The following MAML2 variants were observed in gnomAD, a reference collection of about 807,000 sequenced individuals.
MAML2 encodes mastermind-like protein 2.
A neutral mutation model predicts 96.1 loss-of-function variants in MAML2; 22 were observed. That is an observed-to-expected ratio of 0.23 (90% CI 0.16 to 0.33). The LOEUF is 0.33. Among genes scored for constraint, MAML2 ranks in the 10% least tolerant of loss-of-function variants. The probability of loss-of-function intolerance (pLI) is 1.00; values close to 1 mark genes in which losing one functional copy is unlikely to be tolerated. For synonymous variants in MAML2, 561 were observed against 521.3 expected (o/e 1.08, Z -1.04); for missense variants, 1,367 against 1,392.4 (o/e 0.98, Z 0.29).
At chr11:95,994,939 G>A (rs2135712762) in intron 2 of MAML2, among the ~76,000 whole-genome samples, 1 of 152,304 alleles carries the variant, frequency 6.6e-6, no homozygotes, top group East Asian at 1.9e-4. Context: ...TGATGTGGCA[G>A]AAGTTAATTC....
intron 1 of MAML2, among the ~76,000 whole-genome samples, chr11:96,299,298 T>C (rs1297959666): frequency 6.6e-6 from 1 of 150,816 alleles, no homozygotes; most frequent in African/African-American, 2.4e-5. Context: ...ATGTCATTTA[T>C]GGGTCCTGCC....
At chr11:96,069,883 T>A (rs1859313598) in intron 2 of MAML2, among the ~76,000 whole-genome samples, 1 of 146,538 alleles carries the variant, frequency 6.8e-6, no homozygotes, top group Non-Finnish European at 1.5e-5. Flanking sequence ...ATTAGCTGGG[T>A]GTGGTGGTGC....
chr11:96,181,435 G>A (rs1187431919), intron 1 of MAML2, among the ~76,000 whole-genome samples: 2 of 152,088 alleles, frequency 1.3e-5, no homozygotes, highest in East Asian at 1.9e-4. Context: ...TAAAATCTCT[G>A]CCTTTCTTTT....
chr11:96,327,504 G>A (rs1350740303), intron 1 of MAML2, among the ~76,000 whole-genome samples: 1 of 151,804 alleles, frequency 6.6e-6, no homozygotes, highest in East Asian at 1.9e-4. Flanking sequence ...CTCGGCTCAC[G>A]GCAACCTCTG....
In MAML2 at chr11:96,242,111, TG is replaced by T. The variant is rs1230687300; in HGVS notation, c.513+99271del. On this transcript the variant is annotated intron_variant, in intron 1 of 4. Transcript: ENST00000524717. The stretch of plus-strand genomic sequence containing the variant: ...AGGAAGTTAATTCACTTTTTTACTT[TG>T]TTTCTCAAGAGGATTCAACAATGCA... Among the ~76,000 whole-genome samples the T allele has an allele frequency of 5.3e-5, 8 of 152,350 alleles. No homozygotes were observed. In the East Asian group the frequency reaches 1.5e-3, roughly 29 times the overall value.
intron 1 of MAML2, among the ~76,000 whole-genome samples, chr11:96,226,071 T>C (rs1862206318): frequency 6.6e-6 from 1 of 152,182 alleles, no homozygotes; most frequent in Non-Finnish European, 1.5e-5. Context: ...TGCTACATCT[T>C]AGAAATACAA....
chr11:96,148,873 C>T (rs150592817), intron 1 of MAML2, among the ~76,000 whole-genome samples: 1,571 of 152,270 alleles, frequency 0.01, 18 homozygotes, highest in Admixed American at 0.023. Flanking sequence ...TACATTTTGA[C>T]GAATGGATTC....
At chr11:96,133,467 G>A (rs184733491) in intron 1 of MAML2, among the ~76,000 whole-genome samples, 4 of 152,132 alleles carry the variant, frequency 2.6e-5, no homozygotes, top group East Asian at 1.9e-4. Context: ...GTGGTAGCCC[G>A]TATACAGTCA....
chr11:96,320,160 T>A (rs1245770384), intron 1 of MAML2, among the ~76,000 whole-genome samples: 1 of 152,172 alleles, frequency 6.6e-6, no homozygotes, highest in Non-Finnish European at 1.5e-5. Context: ...CTATGAAATA[T>A]TTGCAACTCA....
At chr11:96,089,148 A>G (rs1859665741) in intron 2 of MAML2, among the ~76,000 whole-genome samples, 1 of 152,106 alleles carries the variant, frequency 6.6e-6, no homozygotes, top group Non-Finnish European at 1.5e-5. Context: ...CACCCTACCC[A>G]TGACTTTGGT....
intron 2 of MAML2, among the ~76,000 whole-genome samples, chr11:96,008,641 A>G (rs1248675564): frequency 6.6e-6 from 1 of 152,226 alleles, no homozygotes; most frequent in African/African-American, 2.4e-5. Context: ...AAGTTTTAAA[A>G]ACAGCCCTCT....
At chr11:96,255,216 G>C (rs916785025) in intron 1 of MAML2, among the ~76,000 whole-genome samples, 3 of 152,224 alleles carry the variant, frequency 2.0e-5, no homozygotes, top group Admixed American at 2.0e-4. Context: ...TAAGGATAAA[G>C]ACAAAATTAT....
intron 1 of MAML2, among the ~76,000 whole-genome samples, chr11:96,243,967 A>G (rs1358931162): frequency 2.0e-5 from 3 of 152,194 alleles, no homozygotes; most frequent in Non-Finnish European, 4.4e-5. Flanking sequence ...ACCACGACAT[A>G]GGTACTCAGG....
At chr11:96,189,561 C>G (rs965698294) in intron 1 of MAML2, among the ~76,000 whole-genome samples, 6 of 152,222 alleles carry the variant, frequency 3.9e-5, no homozygotes, top group African/African-American at 1.2e-4. Context: ...TGCAGCACTA[C>G]TAGTTAATTT....
intron 1 of MAML2, among the ~76,000 whole-genome samples, chr11:96,196,383 C>G (rs980667847): frequency 2.0e-5 from 3 of 152,202 alleles, no homozygotes; most frequent in African/African-American, 7.2e-5. Context: ...TTTTGGGCTG[C>G]ATGAACATAA....
intron 1 of MAML2, among the ~76,000 whole-genome samples, chr11:96,237,637 G>C (rs1157098372): frequency 6.6e-6 from 1 of 152,186 alleles, no homozygotes; most frequent in Non-Finnish European, 1.5e-5. Context: ...TGAAAGATTT[G>C]ATAGTTGTGT....
intron 2 of MAML2, among the ~76,000 whole-genome samples, chr11:96,034,944 G>T (rs1219589280): frequency 6.6e-6 from 1 of 152,136 alleles, no homozygotes; most frequent in Admixed American, 6.6e-5. Flanking sequence ...ATATGGGAGT[G>T]TCCAAGAGGT....
At chr11:96,260,202 G>T (rs1175760507) in intron 1 of MAML2, among the ~76,000 whole-genome samples, 1 of 151,882 alleles carries the variant, frequency 6.6e-6, no homozygotes, top group East Asian at 1.9e-4. Context: ...TGGGGTGGGG[G>T]GAAGCAAACT....
intron 2 of MAML2, among the ~76,000 whole-genome samples, chr11:96,025,909 T>C (rs1858510516): frequency 6.6e-6 from 1 of 152,212 alleles, no homozygotes. Context: ...CCTCTGATTA[T>C]AACCATTATA....
Sources: gnomAD v4.1 joint callset for allele counts (sites outside exome capture counted in the v4.1 genomes callset) on GRCh38, gnomAD v4.1.1 for gene constraint, MANE v1.5 for transcripts, NCBI Gene and HGNC (gene_info 2026-07-23, HGNC 2026-07-21) for gene names.